ATP6V0D2: variants seen among roughly 807,000 people sequenced by gnomAD.
ATP6V0D2 encodes the protein V-type proton ATPase subunit d 2.
Under a neutral mutation model 40.0 loss-of-function variants are expected in ATP6V0D2, and 40 were observed. The ratio of observed to expected loss-of-function variants is 1.00; its 90% CI spans 0.78 to 1.30. ATP6V0D2 has a LOEUF of 1.30. ATP6V0D2 is among the 50% of genes most tolerant of loss of function. ATP6V0D2 has a pLI of 0.00. For synonymous variants in ATP6V0D2, 179 were observed against 156.3 expected, an observed-to-expected ratio of 1.15 and a Z score of -1.08; for missense variants, 470 against 423.1, an observed-to-expected ratio of 1.11 and a Z score of -0.97.
chr8:86,115,190 G>T (rs185713401), intron 2 of ATP6V0D2, among the ~76,000 whole-genome samples: 241 of 152,044 alleles, frequency 1.6e-3, no homozygotes, highest in African/African-American at 5.7e-3. Flanking sequence ...AAAATAGAGG[G>T]CAGAGACTCC....
At chr8:86,147,870 CG>C (rs1819092346) in intron 5 of ATP6V0D2, among the ~76,000 whole-genome samples, 1 of 152,058 alleles carries the variant, frequency 6.6e-6, no homozygotes, top group African/African-American at 2.4e-5. Context: ...AAGGAGGTAG[CG>C]AGAAGATGGA....
At chr8:86,109,884 C>T (rs902228906) in intron 1 of ATP6V0D2, among the ~76,000 whole-genome samples, 1 of 152,102 alleles carries the variant, frequency 6.6e-6, no homozygotes, top group Non-Finnish European at 1.5e-5. Flanking sequence ...ATTGCAGGTG[C>T]ACCCTCCCCC....
chr8:86,100,700 T>C (rs1295898901), intron 1 of ATP6V0D2, among the ~76,000 whole-genome samples: 1 of 152,168 alleles, frequency 6.6e-6, no homozygotes, highest in Non-Finnish European at 1.5e-5. Context: ...GTCGGTCACG[T>C]ATAGAAAATC....
At chr8:86,106,832 G>A (rs1586085046) in intron 1 of ATP6V0D2, among the ~76,000 whole-genome samples, 1 of 152,076 alleles carries the variant, frequency 6.6e-6, no homozygotes, top group African/African-American at 2.4e-5. Flanking sequence ...AATATTTGAG[G>A]CTCATTTATG....
At position 86,153,207 on chromosome 8, in the gene ATP6V0D2, G is replaced by T; in HGVS notation, c.*230G>T. The stretch of plus-strand genomic sequence containing the variant: ...ACATGTCTGTCTCATTCTTCACTGG[G>T]CCTTACAGGTTAGTTTTAATTAACT... On this transcript the variant is annotated 3_prime_UTR_variant, in exon 8 of 8. Transcript: ENST00000285393. The T allele has an allele frequency of 3.1e-6, 1 of 322,992 alleles. No homozygotes were observed. Among genetic ancestry groups the T allele is most frequent in the East Asian group, 5.1e-5 (1 of 19,502 alleles). 20.0% of individuals were successfully genotyped at this position (322,992 alleles called of 1,614,324 possible). A position where few individuals can be genotyped will look rare whatever the true frequency, so the allele number is the denominator to read the frequency against.
chr8:86,113,889 T>C lies in ATP6V0D2; in HGVS notation c.302+9T>C, dbSNP rs1305696121. 1 of 1,605,748 alleles carries C rather than the reference T, an allele frequency of 6.2e-7. No homozygotes were observed. Among genetic ancestry groups the C allele is most frequent in the Admixed American group, 1.7e-5 (1 of 58,720 alleles). On this transcript the variant is annotated intron_variant, in intron 2 of 7. Coordinates refer to ENST00000285393, the MANE Select transcript of ATP6V0D2 (RefSeq NM_152565.1). ...TTTCTCACCTATATGACGTAAGTGA[T>C]GACAGAAAGCCCTAATAAGCCCCAA...
intron 2 of ATP6V0D2, among the ~76,000 whole-genome samples, chr8:86,120,539 A>G (rs1032829379): frequency 6.6e-6 from 1 of 152,184 alleles, no homozygotes; most frequent in African/African-American, 2.4e-5. Context: ...TGGGCAACAC[A>G]GCAAGACCCT....
In ATP6V0D2 at chr8:86,152,916, T is replaced by C. The variant is rs916851570; in HGVS notation, c.992T>C (p.Ile331Thr). Residue 331 changes from isoleucine to threonine, a missense_variant, in exon 8 of 8, where the codon ATA becomes ACA. By Grantham distance (89) the Ile-to-Thr change is moderately conservative. Coordinates refer to ENST00000285393, the MANE Select transcript of ATP6V0D2 (RefSeq NM_152565.1). Reference protein sequence around the residue: ...KEQEIRNIVWIAECISQRHRT... With the variant: ...KEQEIRNIVWTAECISQRHRT... ...CAGGAAATTAGAAATATTGTGTGGA[T>C]AGCAGAATGTATTTCACAGAGGCAT... The C allele has an allele frequency of 6.2e-7, 1 of 1,612,276 alleles. No individual in the cohort carries two copies. Among genetic ancestry groups the C allele is most frequent in the Non-Finnish European group, 8.5e-7 (1 of 1,179,246 alleles).
chr8:86,145,247 G>A (rs1416530256), intron 5 of ATP6V0D2, among the ~76,000 whole-genome samples: 3 of 43,394 alleles, frequency 6.9e-5, no homozygotes, highest in Admixed American at 2.2e-4. Flanking sequence ...GAGAGAGAGA[G>A]AGAGAGAGAG....
intron 1 of ATP6V0D2, among the ~76,000 whole-genome samples, chr8:86,105,794 T>C (rs1430477906): frequency 6.6e-6 from 1 of 151,844 alleles, no homozygotes; most frequent in Admixed American, 6.6e-5. Context: ...TTTTATATTT[T>C]TAGTAGAGAT....
intron 1 of ATP6V0D2, among the ~76,000 whole-genome samples, chr8:86,101,612 G>A (rs952376820): frequency 2.0e-5 from 3 of 152,014 alleles, no homozygotes; most frequent in African/African-American, 4.8e-5. Flanking sequence ...GAAGAAATGA[G>A]ATTAACAGAT....
intron 1 of ATP6V0D2, among the ~76,000 whole-genome samples, chr8:86,101,802 G>A: frequency 6.6e-6 from 1 of 152,096 alleles, no homozygotes; most frequent in East Asian, 1.9e-4. Flanking sequence ...ACCACCTGAA[G>A]CCACCCCACC....
At chr8:86,111,228 C>T (rs182796319) in intron 1 of ATP6V0D2, among the ~76,000 whole-genome samples, 1 of 150,672 alleles carries the variant, frequency 6.6e-6, no homozygotes, top group Admixed American at 6.6e-5. Flanking sequence ...GCTTTGTCAC[C>T]CAGGCTAGAG....
intron 5 of ATP6V0D2, among the ~76,000 whole-genome samples, chr8:86,145,367 AAGG>A (rs1405033247): frequency 0.06 from 7,232 of 120,180 alleles, 386 homozygotes; most frequent in African/African-American, 0.083. Context: ...GGAAGGAAGG[AAGG>A]AAGGAAAGAA....
intron 6 of ATP6V0D2, among the ~76,000 whole-genome samples, chr8:86,150,668 C>A (rs1819133198): frequency 6.6e-6 from 1 of 152,034 alleles, no homozygotes; most frequent in Non-Finnish European, 1.5e-5. Context: ...ACTAGGGAAA[C>A]AAGGTTAGCC....
At chr8:86,136,388 T>TTTTA (rs1818897231) in intron 2 of ATP6V0D2, among the ~76,000 whole-genome samples, 1 of 152,160 alleles carries the variant, frequency 6.6e-6, no homozygotes, top group Non-Finnish European at 1.5e-5. Flanking sequence ...TGTTCGCAGC[T>TTTTA]CAGATGCTTT....
At chr8:86,119,182 G>A (rs753891263) in intron 2 of ATP6V0D2, among the ~76,000 whole-genome samples, 1 of 150,774 alleles carries the variant, frequency 6.6e-6, no homozygotes, top group Non-Finnish European at 1.5e-5. Context: ...TTGGTCAAAG[G>A]TTCCGCTCAC....
intron 6 of ATP6V0D2, among the ~76,000 whole-genome samples, 196 bp from the exon 7 acceptor site, chr8:86,151,270 G>T (rs542497229): frequency 1.3e-5 from 2 of 152,168 alleles, no homozygotes; most frequent in South Asian, 4.2e-4. Flanking sequence ...CAATAGGCTA[G>T]AATTTCATCC....
At chr8:86,125,823 G>A (rs7834468) in intron 2 of ATP6V0D2, among the ~76,000 whole-genome samples, 9,525 of 151,808 alleles carry the variant, frequency 0.063, 1,009 homozygotes, top group African/African-American at 0.22. Context: ...TACATGTATT[G>A]TCCACAATTT....
Sources: gnomAD v4.1 joint callset for allele counts (sites outside exome capture counted in the v4.1 genomes callset) on GRCh38, gnomAD v4.1.1 for gene constraint, MANE v1.5 for transcripts, NCBI Gene and HGNC (gene_info 2026-07-23, HGNC 2026-07-21) for gene names.